DPH6: variants seen among roughly 807,000 people sequenced by gnomAD.
DPH6 encodes diphthine--ammonia ligase.
In DPH6, 33 loss-of-function variants were observed where a neutral mutation model predicts 38.2. That is an observed-to-expected ratio of 0.86 (90% CI 0.65 to 1.15). The LOEUF (loss-of-function observed/expected upper bound fraction) is 1.15. Ranked by LOEUF, DPH6 falls within the 50% of genes most tolerant of loss-of-function variation. The pLI is 0.00. For synonymous variants in DPH6, 108 were observed against 103.0 expected, an observed-to-expected ratio of 1.05 and a Z score of -0.30; for missense variants, 325 against 320.0, an observed-to-expected ratio of 1.02 and a Z score of -0.12.
At chr15:35,176,399 C>A in the DPH6 span, among the ~76,000 whole-genome samples, 5 of 151,940 alleles carry the variant, frequency 3.3e-5, no homozygotes, top group African/African-American at 4.8e-5. Flanking sequence ...TATTGCCAGG[C>A]CTAACTTTTA....
intron 1 of DPH6, among the ~76,000 whole-genome samples, chr15:35,543,104 G>C (rs2055286774): frequency 6.8e-6 from 1 of 146,258 alleles, no homozygotes; most frequent in Non-Finnish European, 1.5e-5. Flanking sequence ...TTAAAGATTT[G>C]AGTACCTAGC....
intron 1 of DPH6, among the ~76,000 whole-genome samples, chr15:35,543,647 T>C (rs150521684): frequency 9.1e-4 from 138 of 152,244 alleles, no homozygotes; most frequent in African/African-American, 3.1e-3. Flanking sequence ...TGTTGCCTTT[T>C]ATCTTAGTTT....
At chr15:35,522,789 C>T (rs1353583547) in intron 3 of DPH6, among the ~76,000 whole-genome samples, 2 of 149,568 alleles carry the variant, frequency 1.3e-5, no homozygotes, top group Non-Finnish European at 3.0e-5. Flanking sequence ...ATTCTGCCCA[C>T]AGACTTAAAA....
intron 3 of DPH6, among the ~76,000 whole-genome samples, chr15:35,288,968 A>G (rs1372165745): frequency 1.3e-5 from 2 of 152,218 alleles, no homozygotes; most frequent in African/African-American, 4.8e-5. Context: ...AAAAAAAGAT[A>G]GTTCTAAAGT....
intron 3 of DPH6, among the ~76,000 whole-genome samples, chr15:35,351,092 T>C (rs969385547): frequency 1.3e-5 from 2 of 152,334 alleles, no homozygotes; most frequent in South Asian, 4.1e-4. Flanking sequence ...ATGCTTGCTG[T>C]ATATATTCAC....
intron 3 of DPH6, among the ~76,000 whole-genome samples, chr15:35,455,258 G>C (rs768776374): frequency 6.6e-6 from 1 of 151,834 alleles, no homozygotes; most frequent in Non-Finnish European, 1.5e-5. Context: ...GTAAATCTTA[G>C]AAAAAAAATG....
chr15:35,343,576 T>C (rs957545666), intron 3 of DPH6, among the ~76,000 whole-genome samples: 2 of 152,048 alleles, frequency 1.3e-5, no homozygotes, highest in African/African-American at 4.8e-5. Context: ...TGCCTCATGA[T>C]TCCGTAACTA....
intron 3 of DPH6, among the ~76,000 whole-genome samples, chr15:35,534,062 GA>G (rs916114982): frequency 1.3e-5 from 2 of 150,362 alleles, no homozygotes; most frequent in African/African-American, 2.4e-5. Flanking sequence ...AGAAAACTAA[GA>G]AAAAAAAACA....
chr15:35,382,263 G>A (rs988487000), intron 6 of DPH6, among the ~76,000 whole-genome samples: 7 of 151,672 alleles, frequency 4.6e-5, no homozygotes, highest in African/African-American at 1.7e-4. Context: ...GTGAAACACC[G>A]TCTCTACTAA....
chr15:35,454,688 C>T (rs2053974605), intron 4 of DPH6, 59 bp downstream of exon 4: 3 of 1,380,054 alleles, frequency 2.2e-6, no homozygotes, highest in Non-Finnish European at 2.0e-6. Flanking sequence ...TTATTTTTCA[C>T]TTATTCACAT....
intron 3 of DPH6, among the ~76,000 whole-genome samples, chr15:35,279,959 T>G (rs1182689696): frequency 6.6e-6 from 1 of 151,888 alleles, no homozygotes; most frequent in Non-Finnish European, 1.5e-5. Flanking sequence ...GAGGGAGTAA[T>G]CTCTTTCCCC....
downstream of DPH6, among the ~76,000 whole-genome samples, chr15:35,326,644 C>T (rs1312947386): frequency 6.6e-6 from 1 of 152,024 alleles, no homozygotes; most frequent in Non-Finnish European, 1.5e-5. Flanking sequence ...CTATATTGCC[C>T]AGGCTGGTCT....
chr15:35,448,967 A>G (rs2053892663), intron 5 of DPH6, among the ~76,000 whole-genome samples: 1 of 144,696 alleles, frequency 6.9e-6, no homozygotes, highest in South Asian at 2.3e-4. Flanking sequence ...TCCCCCACAG[A>G]AAGGTCTTAT....
At chr15:35,300,005 G>C (rs1595467335) in intron 3 of DPH6, among the ~76,000 whole-genome samples, 1 of 152,210 alleles carries the variant, frequency 6.6e-6, no homozygotes, top group Non-Finnish European at 1.5e-5. Context: ...GGGCAGTTTG[G>C]ATGAGTGACG....
intron 3 of DPH6, among the ~76,000 whole-genome samples, chr15:35,228,669 A>C (rs1437254460): frequency 6.6e-6 from 1 of 152,050 alleles, no homozygotes; most frequent in African/African-American, 2.4e-5. Flanking sequence ...CCATCAGATA[A>C]TTTCTTATTG....
At chr15:35,185,982 C>T in the DPH6 span, among the ~76,000 whole-genome samples, 1 of 152,034 alleles carries the variant, frequency 6.6e-6, no homozygotes, top group Non-Finnish European at 1.5e-5. Context: ...GATCCGCTTG[C>T]CTCGGCCTCC....
At chr15:35,307,830 C>A (rs1010269714) in intron 3 of DPH6, among the ~76,000 whole-genome samples, 1 of 152,124 alleles carries the variant, frequency 6.6e-6, no homozygotes, top group Non-Finnish European at 1.5e-5. Context: ...TGAGTGAGCA[C>A]AGTTATCTGG....
At position 35,373,590 on chromosome 15, in the gene DPH6, GACT is replaced by G. The variant is rs2052741402; in HGVS notation, c.678_680del (p.Val227del). 6.2e-7 allele frequency: 1 copy of G among 1,608,034 alleles called. No individual in the cohort carries two copies. Among genetic ancestry groups the G allele is most frequent in the African/African-American group, 1.3e-5 (1 of 74,584 alleles). On this transcript the variant is annotated inframe_deletion, in exon 8 of 9. Coordinates refer to ENST00000256538, the MANE Select transcript of DPH6 (RefSeq NM_080650.4). ...GTGCAAATGCATCAGCTGAATGTAT[GACT>G]ACTTCTGATGAATCCCTGAAATACA...
the DPH6 span, among the ~76,000 whole-genome samples, chr15:35,150,256 G>T: frequency 6.6e-6 from 1 of 152,174 alleles, no homozygotes; most frequent in African/African-American, 2.4e-5. Context: ...GAGAGAGAAT[G>T]ACAGATCAGA....
Sources: gnomAD v4.1 joint callset for allele counts (sites outside exome capture counted in the v4.1 genomes callset) on GRCh38, gnomAD v4.1.1 for gene constraint, MANE v1.5 for transcripts, NCBI Gene and HGNC (gene_info 2026-07-23, HGNC 2026-07-21) for gene names.